AK9: variants seen among roughly 807,000 people sequenced by gnomAD.
The protein encoded by AK9 is adenylate kinase 9.
Under a neutral mutation model 239.6 loss-of-function variants are expected in AK9, and 191 were observed. The ratio of observed to expected loss-of-function variants is 0.80; its 90% CI spans 0.71 to 0.90. AK9 has a LOEUF of 0.90. Among genes scored for constraint, AK9 ranks in the 40% least tolerant of loss-of-function variants. The pLI is 0.00. For missense variants in AK9, 1,995 were observed against 2,214.7 expected, an observed-to-expected ratio of 0.90 and a Z score of 1.99; for synonymous variants, 689 against 721.0, an observed-to-expected ratio of 0.96 and a Z score of 0.71.
intron 35 of AK9, among the ~76,000 whole-genome samples, chr6:109,499,485 C>T (rs77521657): frequency 0.052 from 7,917 of 152,206 alleles, 342 homozygotes; most frequent in African/African-American, 0.11. Context: ...CCTTCACATA[C>T]ATACTTTTTT....
intron 12 of AK9, among the ~76,000 whole-genome samples, chr6:109,627,828 T>C (rs929428824): frequency 1.3e-5 from 2 of 152,178 alleles, no homozygotes; most frequent in Non-Finnish European, 2.9e-5. Flanking sequence ...AATTTTCGTA[T>C]TTGTAGAGAC....
intron 29 of AK9, among the ~76,000 whole-genome samples, chr6:109,519,772 C>G (rs1357042519): frequency 1.2e-5 from 1 of 86,562 alleles, no homozygotes. Context: ...TCCATCCTGT[C>G]TCAAAAAAAA....
chr6:109,506,792 A>G lies in AK9; in HGVS notation c.4490T>C (p.Ile1497Thr). ...ATGTTTAGTTACAGGATATCCATCG[A>G]TGACAACACTAACAAGGAAAAACAT... ...ESVCNTAGVV[I>T]DGYPVTKHQM... The change falls in exon 34 of 41, where the codon ATC (isoleucine) becomes ACC (threonine). Residue 1497 changes from isoleucine to threonine, a missense_variant. Ile to Thr is a moderately conservative substitution (Grantham distance 89). Transcript: ENST00000424296. The G allele has an allele frequency of 1.3e-6, 2 of 1,489,678 alleles. No homozygotes were observed. Among genetic ancestry groups the G allele is most frequent in the Non-Finnish European group, 1.8e-6 (2 of 1,116,200 alleles). The allele number at this position is 1,489,678 out of a possible 1,614,324, so 92.3% of individuals were successfully genotyped here.
chr6:109,645,543 C>T (rs1797948555), intron 8 of AK9, among the ~76,000 whole-genome samples: 1 of 152,250 alleles, frequency 6.6e-6, no homozygotes, highest in South Asian at 2.1e-4. Context: ...ACTAGGTAAA[C>T]AAAGCAGCCA....
chr6:109,509,064 A>T, intron 33 of AK9, 115 bp downstream of exon 33: 1 of 1,088,432 alleles, frequency 9.2e-7, no homozygotes, highest in Non-Finnish European at 1.3e-6. Context: ...TGAGAGAAGT[A>T]GATCACACCC....
At chr6:109,617,465 A>G (rs1208103060) in intron 13 of AK9, among the ~76,000 whole-genome samples, 1 of 152,150 alleles carries the variant, frequency 6.6e-6, no homozygotes, top group African/African-American at 2.4e-5. Context: ...TTTACTATAA[A>G]TATCAATAGA....
chr6:109,553,371 T>C (rs533010277), intron 24 of AK9, among the ~76,000 whole-genome samples: 3 of 152,340 alleles, frequency 2.0e-5, no homozygotes, highest in Admixed American at 6.5e-5. Context: ...TCTTCTCTTA[T>C]TTCCTTGAGC....
chr6:109,598,849 T>C (rs1791466240), intron 17 of AK9, among the ~76,000 whole-genome samples: 1 of 152,258 alleles, frequency 6.6e-6, no homozygotes, highest in Non-Finnish European at 1.5e-5. Context: ...TTTTCATGTG[T>C]CTGTTGGCTG....
intron 19 of AK9, among the ~76,000 whole-genome samples, chr6:109,580,544 A>G (rs1476669248): frequency 6.6e-6 from 1 of 152,212 alleles, no homozygotes; most frequent in Admixed American, 6.5e-5. Context: ...TCATGTCAGC[A>G]GCATACACTG....
intron 38 of AK9, 120 bp downstream of exon 38, chr6:109,497,345 C>CAA: frequency 1.6e-6 from 1 of 609,584 alleles, no homozygotes; most frequent in Non-Finnish European, 2.9e-6. Context: ...CACACACACA[C>CAA]ACACACACAC....
chr6:109,531,861 T>C (rs778432818), intron 28 of AK9, among the ~76,000 whole-genome samples: 3 of 152,162 alleles, frequency 2.0e-5, no homozygotes, highest in Non-Finnish European at 4.4e-5. Context: ...CTCACATCCA[T>C]AGTTCTCAGA....
rs757219047 is a variant in AK9 at position 109,675,674 on chromosome 6, A to T, written c.72T>A (p.Asn24Lys). 4.4e-6 allele frequency: 7 copies of T among 1,598,448 alleles called. No homozygotes were observed. Among genetic ancestry groups the T allele is most frequent in the Non-Finnish European group, 6.0e-6 (7 of 1,173,740 alleles). Residue 24 changes from asparagine (N) to lysine (K), a missense_variant, in exon 2 of 41, where the codon AAT becomes AAA. This residue lies in a region of AK9 where 252 missense variants were observed against 246.4 expected (regional missense o/e 1.02). Transcript: ENST00000424296. The stretch of plus-strand genomic sequence containing the variant: ...AGCAAACAGGTTTGGACAACAAAAA[A>T]TTCCTTTCAGTTTCATCTTCATCAA... ...DIFDEDETER[N>K]FLLSKPVCFV...
intron 21 of AK9, among the ~76,000 whole-genome samples, chr6:109,572,253 C>T (rs928022283): frequency 5.9e-5 from 9 of 152,164 alleles, no homozygotes; most frequent in Non-Finnish European, 1.3e-4. Context: ...ACCCCCCTCT[C>T]GTCTTCTATT....
chr6:109,663,464 G>T (rs562720197), intron 5 of AK9, among the ~76,000 whole-genome samples: 10 of 152,234 alleles, frequency 6.6e-5, no homozygotes, highest in African/African-American at 2.4e-4. Flanking sequence ...CCCTGTCACT[G>T]CAAGGACAAA....
intron 24 of AK9, 87 bp downstream of exon 24, chr6:109,563,509 TG>T: frequency 6.7e-7 from 1 of 1,485,776 alleles, no homozygotes; most frequent in Non-Finnish European, 8.9e-7. Flanking sequence ...TCTGTTCACT[TG>T]GGGTCCAAAA....
intron 24 of AK9, among the ~76,000 whole-genome samples, chr6:109,559,914 G>A (rs1386408642): frequency 6.6e-6 from 1 of 152,180 alleles, no homozygotes; most frequent in East Asian, 1.9e-4. Context: ...CCTCAGGAGA[G>A]AATCCATTCC....
chr6:109,551,563 T>C (rs1784364039), intron 24 of AK9, among the ~76,000 whole-genome samples: 1 of 151,124 alleles, frequency 6.6e-6, no homozygotes, highest in Non-Finnish European at 1.5e-5. Context: ...TGGAAAATAA[T>C]GATTTTTTTC....
chr6:109,564,094 A>G lies in AK9; in HGVS notation c.2621T>C (p.Val874Ala). 1 of 1,550,976 alleles carries G rather than the reference A, an allele frequency of 6.4e-7. No homozygotes were observed. Among genetic ancestry groups the G allele is most frequent in the Non-Finnish European group, 8.7e-7 (1 of 1,146,728 alleles). The change falls in exon 23 of 41, where the codon GTT becomes GCT. Residue 874 changes from valine (V) to alanine (A), a missense_variant. Around this residue, in one of 5 missense-constraint regions of AK9, gnomAD observed 1,290 missense variants for 1,392.7 expected, o/e 0.93. Transcript: ENST00000424296. ...RTPQELLQKV[V>A]ETMEKPFQYT... ...AAAGCCCTTACTTTCCATAGTCTCA[A>G]CTACTTTTTGAAGTAATTCCTGTGG...
At chr6:109,576,813 T>G (rs1427687595) in intron 20 of AK9, among the ~76,000 whole-genome samples, 1 of 151,716 alleles carries the variant, frequency 6.6e-6, no homozygotes, top group Admixed American at 6.6e-5. Flanking sequence ...TAATGTTGGC[T>G]GTGGGTTTGT....
Sources: gnomAD v4.1 joint callset for allele counts (sites outside exome capture counted in the v4.1 genomes callset) on GRCh38, gnomAD v4.1.1 for gene constraint, gnomAD v4.1.1 regional missense constraint, MANE v1.5 for transcripts, NCBI Gene and HGNC (gene_info 2026-07-23, HGNC 2026-07-21) for gene names.